Variants in KDM7A observed in about 807,000 individuals in gnomAD.
KDM7A encodes the protein lysine demethylase 7A.
KDM7A carries 28 observed loss-of-function variants against 114.8 expected under a neutral mutation model. That is an observed-to-expected ratio of 0.24 (90% CI 0.18 to 0.33). The LOEUF is 0.33. KDM7A is among the 10% of genes least tolerant of loss of function. KDM7A has a pLI of 1.00. For synonymous variants in KDM7A, 423 were observed against 397.8 expected (o/e 1.06, Z -0.75); for missense variants, 942 against 1,142.5 (o/e 0.82, Z 2.53).
rs541747395 is a variant in KDM7A, at chr7:140,084,971, CTACT to C, written c.*6119_*6122del. ...CCTCCCCTATAATAATCAATGTAAG[CTACT>C]TAAAGACTTACAAATTTAAAGTAAA... On this transcript the variant is annotated 3_prime_UTR_variant, in exon 20 of 20. Transcript: ENST00000397560. The C allele has an allele frequency of 2.3e-4, 35 of 152,296 alleles. No homozygotes were observed. The highest frequency in any genetic ancestry group is 7.5e-4 in the African/African-American group (31 of 41,560). 9.4% of individuals were successfully genotyped at this position (152,296 alleles called of 1,614,324 possible). A position where few individuals can be genotyped will look rare whatever the true frequency, so the allele number is the denominator to read the frequency against.
At chr7:140,123,157 C>A (rs1818642265) in intron 7 of KDM7A, among the ~76,000 whole-genome samples, 2 of 152,184 alleles carry the variant, frequency 1.3e-5, no homozygotes, top group Admixed American at 1.3e-4. Context: ...ACACATCACA[C>A]CCACTAGAAT....
intron 1 of KDM7A, among the ~76,000 whole-genome samples, chr7:140,157,154 G>T (rs1314885584): frequency 3.3e-5 from 5 of 152,226 alleles, no homozygotes; most frequent in Admixed American, 2.6e-4. Flanking sequence ...CAATTGAGCT[G>T]TATAGGAGGA....
At chr7:140,162,991 C>G (rs1293581345) in intron 1 of KDM7A, among the ~76,000 whole-genome samples, 2 of 147,698 alleles carry the variant, frequency 1.4e-5, no homozygotes, top group Non-Finnish European at 3.0e-5. Context: ...TTTTGCTTTT[C>G]TTTCCTTTTT....
chr7:140,091,831 G>A lies in KDM7A; in HGVS notation c.2704C>T (p.Pro902Ser), dbSNP rs1202075579. 2 of 1,612,044 alleles carry A rather than the reference G, an allele frequency of 1.2e-6. No homozygotes were observed. Among genetic ancestry groups the A allele is most frequent in the Non-Finnish European group, 8.5e-7 (1 of 1,179,492 alleles). The stretch of plus-strand genomic sequence containing the variant: ...TTTGTTGCCTGGTTGCTGATAGGTG[G>A]TGGATTTGATGCCGGTCTCTTGGTG... ...HPTKRPASNP[P>S]PISNQATKGK... The change falls in exon 19 of 20, where the codon CCA becomes TCA. Residue 902 changes from proline (P) to serine (S), a missense_variant. Transcript: ENST00000397560.
intron 12 of KDM7A, among the ~76,000 whole-genome samples, chr7:140,101,731 A>G (rs1043518595): frequency 5.9e-5 from 9 of 152,218 alleles, no homozygotes; most frequent in African/African-American, 9.7e-5. Flanking sequence ...CTCAATAAAC[A>G]TATCAGCAAT....
At chr7:140,133,156 G>C (rs1041706334) in intron 3 of KDM7A, among the ~76,000 whole-genome samples, 2 of 152,118 alleles carry the variant, frequency 1.3e-5, no homozygotes, top group Admixed American at 1.3e-4. Context: ...AGCAGAGTTG[G>C]GAAAACAAGA....
chr7:140,116,298 G>T (rs1356259971), intron 9 of KDM7A, among the ~76,000 whole-genome samples: 1 of 151,680 alleles, frequency 6.6e-6, no homozygotes, highest in East Asian at 1.9e-4. Flanking sequence ...TCATACAACA[G>T]AATACTCTAG....
chr7:140,119,092 AACATGCAAATTATTAATT>A lies in KDM7A; in HGVS notation c.1246+3_1246+20del, dbSNP rs1392584501. 1 of 1,423,496 alleles carries A rather than the reference AACATGCAAATTATTAATT, an allele frequency of 7.0e-7. No homozygotes were observed. 88.2% of individuals were successfully genotyped at this position (1,423,496 alleles called of 1,614,324 possible). Reference sequence around the variant, plus strand: ...AACAATATGCATCATATCATATACAAACATGCAAATTATTAATTACCTTTCAGGGTTTCCAGCAAGTTT... The same window carrying A: ...AACAATATGCATCATATCATATACAAACCTTTCAGGGTTTCCAGCAAGTTT... On this transcript the variant is annotated splice_donor_5th_base_variant and intron_variant, in intron 9 of 19. Transcript: ENST00000397560.
intron 8 of KDM7A, among the ~76,000 whole-genome samples, 196 bp downstream of exon 8, chr7:140,120,246 T>C (rs1269036057): frequency 6.6e-6 from 1 of 152,178 alleles, no homozygotes; most frequent in Admixed American, 6.5e-5. Flanking sequence ...TTGTTTTAGA[T>C]TTGAAATGCA....
At chr7:140,111,334 G>C (rs778525915) in intron 10 of KDM7A, 150 bp from the exon 11 acceptor site, 5 of 576,802 alleles carry the variant, frequency 8.7e-6, no homozygotes, top group Non-Finnish European at 1.5e-5. Flanking sequence ...CGTGTAGCTA[G>C]TATAATGCCT....
At chr7:140,117,961 G>C (rs569031767) in intron 9 of KDM7A, among the ~76,000 whole-genome samples, 1 of 152,252 alleles carries the variant, frequency 6.6e-6, no homozygotes, top group East Asian at 1.9e-4. Context: ...TGAGGTGGGG[G>C]GTTTAGGGTA....
chr7:140,124,084 AAGT>A (rs2116797022), intron 7 of KDM7A, among the ~76,000 whole-genome samples: 2 of 127,588 alleles, frequency 1.6e-5, no homozygotes, highest in South Asian at 4.8e-4. Flanking sequence ...AAAAAAAAAA[AAGT>A]AAGAAAATAA....
chr7:140,176,714 C>A lies in KDM7A; in HGVS notation c.194+30G>T. 1.6e-6 allele frequency: 2 copies of A among 1,223,030 alleles called. No homozygotes were observed. The highest frequency in any genetic ancestry group is 4.9e-5 in the East Asian group (1 of 20,290). 75.8% of individuals were successfully genotyped at this position (1,223,030 alleles called of 1,614,324 possible). A position where few individuals can be genotyped will look rare whatever the true frequency, so the allele number is the denominator to read the frequency against. ...GCGGTTGGTCGGTGGCCGGCGGTGG[C>A]GGCTGCGGGGCTGGAGGGGGTTTAT... On this transcript the variant is annotated intron_variant, in intron 1 of 19. Transcript: ENST00000397560. The surrounding 1 kb of genome is among the most constrained non-coding windows in gnomAD (Gnocchi z 4.4).
Position 140,099,925 on chromosome 7 carries a change from T to C in KDM7A, c.1737A>G (p.Leu579=), listed in dbSNP as rs1458449357. The change falls in exon 13 of 20, where the codon TTA becomes TTG. Residue 579 remains leucine, a synonymous_variant. Transcript: ENST00000397560. ...TAATTATTCTTCCATTTGTCAGCAG[T>C]AATCGTAGATCATTATCTTTCGCTC... ...EWRAKDNDLR[L]LLTNGRIIKD... is the part of the protein sequence containing the mutation. 1 of 1,611,152 alleles carries C rather than the reference T, an allele frequency of 6.2e-7. No individual in the cohort carries two copies. Among genetic ancestry groups the C allele is most frequent in the Non-Finnish European group, 8.5e-7 (1 of 1,177,328 alleles).
chr7:140,099,849 G>A, intron 13 of KDM7A, 50 bp downstream of exon 13: 1 of 1,555,808 alleles, frequency 6.4e-7, no homozygotes, highest in Non-Finnish European at 8.9e-7. Flanking sequence ...ATGAACAAAG[G>A]GAACCCAATG....
chr7:140,171,987 T>C (rs959012029), intron 1 of KDM7A, among the ~76,000 whole-genome samples: 2 of 152,208 alleles, frequency 1.3e-5, no homozygotes, highest in Admixed American at 1.3e-4. Flanking sequence ...GGCTTGGGTA[T>C]GTCTTTTGGT....
intron 10 of KDM7A, among the ~76,000 whole-genome samples, chr7:140,112,199 G>A (rs980157974): frequency 7.2e-5 from 11 of 152,136 alleles, no homozygotes; most frequent in African/African-American, 1.4e-4. Flanking sequence ...CAGATATGTA[G>A]CAATGATAAT....
chr7:140,157,112 G>A lies in KDM7A; in HGVS notation c.195-17922C>T, dbSNP rs138166702. ...TAATAATTACTGAACAAAGATCAAG[G>A]ACAAAATTGTTCAACTTGATGAGGA... On this transcript the variant is annotated intron_variant, in intron 1 of 19. Transcript: ENST00000397560. Among the ~76,000 whole-genome samples, 594 of 152,274 alleles carry A rather than the reference G, an allele frequency of 3.9e-3. 5 individuals carry two copies. Among genetic ancestry groups the A allele is most frequent in the African/African-American group, 0.013 (548 of 41,546 alleles).
At chr7:140,144,684 G>A (rs1404054865) in intron 1 of KDM7A, among the ~76,000 whole-genome samples, 1 of 150,500 alleles carries the variant, frequency 6.6e-6, no homozygotes, top group Non-Finnish European at 1.5e-5. Flanking sequence ...AAATCCACCT[G>A]AGGTTCCAGA....
Sources: gnomAD v4.1 joint callset for allele counts (sites outside exome capture counted in the v4.1 genomes callset) on GRCh38, gnomAD v4.1.1 for gene constraint, Gnocchi (gnomAD v3.1) non-coding constraint, MANE v1.5 for transcripts, NCBI Gene and HGNC (gene_info 2026-07-23, HGNC 2026-07-21) for gene names.